The following ABCA5 variants were observed in gnomAD, a reference collection of about 807,000 sequenced individuals.
ABCA5 encodes the protein ATP binding cassette subfamily A member 5.
In ABCA5, 163 loss-of-function variants were observed where a neutral mutation model predicts 206.0. The observed-to-expected ratio is 0.79, with a 90% CI of 0.70 to 0.90. The LOEUF is 0.90. ABCA5 is among the 40% of genes least tolerant of loss of function. The probability of loss-of-function intolerance (pLI) is 0.00; values close to 1 mark genes in which losing one functional copy is unlikely to be tolerated. For synonymous variants in ABCA5, 609 were observed against 613.8 expected (o/e 0.99, Z 0.11); for missense variants, 1,859 against 1,912.9 (o/e 0.97, Z 0.53).
At position 69,304,696 on chromosome 17, in the gene ABCA5, C is replaced by T. The variant is rs200232821; in HGVS notation, c.903G>A (p.Leu301=). The change falls in exon 7 of 39, where the codon CTG becomes CTA. Residue 301 remains leucine (L), a synonymous_variant. Transcript: ENST00000392676. Reference sequence around the variant, plus strand: ...ATGATAATCCATAAAGGAAAAAAAGCAGAAATATCACAATGCTGCTACTTT... The same window carrying T: ...ATGATAATCCATAAAGGAAAAAAAGTAGAAATATCACAATGCTGCTACTTT... ...FPQSSSIVIF[L]LFFLYGLSSV... 20 of 1,596,028 alleles carry T rather than the reference C, an allele frequency of 1.3e-5. No homozygotes were observed. Among genetic ancestry groups the T allele is most frequent in the African/African-American group, 1.2e-4 (9 of 74,182 alleles).
rs757581486 is a variant in ABCA5, at chr17:69,287,698, A to G, written c.1956T>C (p.Ile652=). The G allele has an allele frequency of 2.5e-6, 4 of 1,613,948 alleles. No homozygotes were observed. In the South Asian group the frequency reaches 3.3e-5, roughly 13 times the overall value. Residue 652 remains isoleucine (I), a synonymous_variant, in exon 15 of 39, where the codon ATT becomes ATC. Coordinates refer to ENST00000392676, the MANE Select transcript of ABCA5 (RefSeq NM_172232.4). The part of the protein sequence containing the change: ...TAGMDPCSRH[I]VWNLLKYRKA... ...TTCTGTATTTTAAAAGATTCCATAC[A>G]ATATGTCGAGAACAGGGGTCCATTC...
At chr17:69,290,489 A>G (rs1311022408) in intron 12 of ABCA5, among the ~76,000 whole-genome samples, 1 of 152,132 alleles carries the variant, frequency 6.6e-6, no homozygotes, top group Non-Finnish European at 1.5e-5. Flanking sequence ...TTTAATAGTG[A>G]AAATTAAAAC....
In ABCA5 at chr17:69,253,687, T is replaced by C. The variant is rs1455383561; in HGVS notation, c.4321-20A>G. ...ACACAACTACATGGAAAGAAAAAGATGGGTGGGAAATTAACAAAGGTTCAC... is the reference window on the plus strand; with the variant it reads ...ACACAACTACATGGAAAGAAAAAGACGGGTGGGAAATTAACAAAGGTTCAC... On this transcript the variant is annotated intron_variant, in intron 33 of 38. Transcript: ENST00000392676. 1.2e-6 allele frequency: 2 copies of C among 1,604,756 alleles called. No homozygotes were observed. Among genetic ancestry groups the C allele is most frequent in the Non-Finnish European group, 8.5e-7 (1 of 1,172,038 alleles).
intron 2 of ABCA5, 84 bp from the exon 3 acceptor site, chr17:69,313,380 T>C (rs2075788451): frequency 1.6e-6 from 1 of 607,218 alleles, no homozygotes; most frequent in Non-Finnish European, 2.6e-6. Flanking sequence ...AATATAATAC[T>C]AAGAAAAAAC....
At chr17:69,322,926 G>A (rs2075876024) in intron 1 of ABCA5, among the ~76,000 whole-genome samples, 1 of 152,114 alleles carries the variant, frequency 6.6e-6, no homozygotes, top group African/African-American at 2.4e-5. Context: ...AAGAAACGTG[G>A]TCACCTTCTT....
intron 27 of ABCA5, 54 bp from the exon 28 acceptor site, chr17:69,259,851 T>C: frequency 8.3e-7 from 1 of 1,207,966 alleles, no homozygotes; most frequent in Non-Finnish European, 1.2e-6. Context: ...GTTGTTGTTG[T>C]TGTTTTTTCC....
At chr17:69,281,511 AAAG>A (rs1354682378) in intron 18 of ABCA5, among the ~76,000 whole-genome samples, 4 of 152,196 alleles carry the variant, frequency 2.6e-5, no homozygotes, top group African/African-American at 4.8e-5. Flanking sequence ...AAAAATTTCA[AAAG>A]AAGGAGAAAC....
At chr17:69,269,599 T>C (rs562413619) in intron 22 of ABCA5, among the ~76,000 whole-genome samples, 40 of 152,278 alleles carry the variant, frequency 2.6e-4, no homozygotes, top group African/African-American at 9.4e-4. Context: ...TCTACTCAAA[T>C]ATTCATAAGC....
rs1326754074 is a variant in ABCA5, at chr17:69,255,602, C to T, written c.4009G>A (p.Ala1337Thr). 6.3e-7 allele frequency: 1 copy of T among 1,582,002 alleles called. No homozygotes were observed. Among genetic ancestry groups the T allele is most frequent in the Non-Finnish European group, 8.5e-7 (1 of 1,170,976 alleles). ...EILGLLGPNG[A>T]GKSTIINILV... Reference sequence around the variant, plus strand: ...ATATTAATAATTGTGCTTTTGCCAGCACCATTTGGACCCAATAGTCCTAAG... The same window carrying T: ...ATATTAATAATTGTGCTTTTGCCAGTACCATTTGGACCCAATAGTCCTAAG... Residue 1337 changes from alanine to threonine, a missense_variant, in exon 31 of 39, where the codon GCT (alanine) becomes ACT (threonine). By Grantham distance (58) the Ala-to-Thr change is moderately conservative. Coordinates refer to ENST00000392676, the MANE Select transcript of ABCA5 (RefSeq NM_172232.4).
At chr17:69,295,239 T>A (rs2075573137) in intron 10 of ABCA5, among the ~76,000 whole-genome samples, 1 of 152,196 alleles carries the variant, frequency 6.6e-6, no homozygotes, top group Admixed American at 6.5e-5. Flanking sequence ...GACCTCAATC[T>A]ATGGTACATA....
chr17:69,299,491 C>A (rs927621145), intron 9 of ABCA5, among the ~76,000 whole-genome samples: 10 of 151,678 alleles, frequency 6.6e-5, no homozygotes, highest in African/African-American at 2.4e-4. Flanking sequence ...CACACACACA[C>A]ACACACACAA....
At chr17:69,309,085 A>C (rs910819583) in intron 4 of ABCA5, among the ~76,000 whole-genome samples, 177 bp downstream of exon 4, 1 of 152,166 alleles carries the variant, frequency 6.6e-6, no homozygotes, top group South Asian at 2.1e-4. Context: ...TTATGTGTAG[A>C]AGTAGATAGG....
At chr17:69,304,916 TTAA>T in intron 6 of ABCA5, 106 bp from the exon 7 acceptor site, 1 of 1,064,026 alleles carries the variant, frequency 9.4e-7, no homozygotes, top group Non-Finnish European at 1.3e-6. Context: ...ATTCTTAAAA[TTAA>T]GTCACTGTTC....
In ABCA5 at chr17:69,301,297, C is replaced by T; in HGVS notation, c.1120-11G>A. On this transcript the variant is annotated splice_polypyrimidine_tract_variant and intron_variant, in intron 8 of 38. Transcript: ENST00000392676. Reference sequence around the variant, plus strand: ...TTCTAAATGCATGACCTGAAAAATACAAACACTAACTTTATTACATAAAAA... The same window carrying T: ...TTCTAAATGCATGACCTGAAAAATATAAACACTAACTTTATTACATAAAAA... 1 of 1,581,550 alleles carries T rather than the reference C, an allele frequency of 6.3e-7. No individual in the cohort carries two copies.
At chr17:69,288,611 G>T (rs951742527) in intron 14 of ABCA5, among the ~76,000 whole-genome samples, 1 of 151,726 alleles carries the variant, frequency 6.6e-6, no homozygotes, top group African/African-American at 2.4e-5. Flanking sequence ...GCTCATGCCT[G>T]TAATCCCAAC....
At chr17:69,290,584 A>G (rs1053049640) in intron 12 of ABCA5, among the ~76,000 whole-genome samples, 1 of 152,184 alleles carries the variant, frequency 6.6e-6, no homozygotes, top group Non-Finnish European at 1.5e-5. Flanking sequence ...AAAGAGTGAT[A>G]CAACTAAGGA....
intron 24 of ABCA5, among the ~76,000 whole-genome samples, chr17:69,263,433 A>C (rs952078563): frequency 6.6e-6 from 1 of 152,142 alleles, no homozygotes; most frequent in African/African-American, 2.4e-5. Context: ...GTCCAATTTC[A>C]TTCTTCTGAA....
chr17:69,274,719 T>A, intron 19 of ABCA5, among the ~76,000 whole-genome samples: 1 of 152,090 alleles, frequency 6.6e-6, no homozygotes, highest in East Asian at 1.9e-4. Context: ...GCCCTTAAAT[T>A]TTTCTAAGAG....
chr17:69,279,251 G>C (rs1478901733), intron 18 of ABCA5, among the ~76,000 whole-genome samples: 1 of 151,754 alleles, frequency 6.6e-6, no homozygotes, highest in African/African-American at 2.4e-5. Flanking sequence ...AACAGACAGA[G>C]AGCCAAATCA....
Sources: gnomAD v4.1 joint callset for allele counts (sites outside exome capture counted in the v4.1 genomes callset) on GRCh38, gnomAD v4.1.1 for gene constraint, MANE v1.5 for transcripts, NCBI Gene and HGNC (gene_info 2026-07-23, HGNC 2026-07-21) for gene names.